The following SLC10A4 variants were observed in gnomAD, a reference collection of about 807,000 sequenced individuals.
The protein encoded by SLC10A4 is putative sodium/bile acid cotransporter 4.
SLC10A4 carries 17 observed loss-of-function variants against 22.5 expected under a neutral mutation model. The ratio of observed to expected loss-of-function variants is 0.76; its 90% confidence interval spans 0.52 to 1.14. SLC10A4 has a LOEUF of 1.14. Among genes scored for constraint, SLC10A4 ranks in the 50% most tolerant of loss-of-function variants. The probability of loss-of-function intolerance (pLI) is 0.00; values close to 1 mark genes in which losing one functional copy is unlikely to be tolerated. For missense variants in SLC10A4, 548 were observed against 584.0 expected, an observed-to-expected ratio of 0.94 and a Z score of 0.64; for synonymous variants, 257 against 258.2, an observed-to-expected ratio of 1.00 and a Z score of 0.04.
Position 48,483,788 on chromosome 4 carries a change from G to A in SLC10A4, c.227G>A (p.Gly76Asp). The change falls in exon 1 of 3, where the codon GGC becomes GAC. Residue 76 changes from glycine (G) to aspartate (D), a missense_variant. Gly to Asp is a moderately conservative substitution (Grantham distance 94). Transcript: ENST00000273861. The surrounding 1 kb of genome is among the most constrained non-coding windows in gnomAD (Gnocchi z 5.4). ...CCCACGACCAGCGGCCTCGCGGGCG[G>A]CGCGGCGAGCCACGGCCCTTCCCCG... is the stretch of plus-strand genomic sequence containing the variant. ...PEPTTSGLAG[G>D]AASHGPSPFP... 1 of 1,502,076 alleles carries A rather than the reference G, an allele frequency of 6.7e-7. No individual in the cohort carries two copies. The allele number at this position is 1,502,076 out of a possible 1,614,324, so 93.0% of individuals were successfully genotyped here.
In SLC10A4 at chr4:48,488,822, T is replaced by C. The variant is rs1391799453; in HGVS notation, c.1197T>C (p.Asp399=). ...ACAAGCGAGATCCTCTAGATGAAGA[T>C]GAAGATACAGATATTTCTTATAAAA... ...MLHKRDPLDE[D]EDTDISYKKL... Residue 399 remains aspartate (D), a synonymous_variant, in exon 3 of 3, where the codon GAT becomes GAC. Coordinates refer to ENST00000273861, the MANE Select transcript of SLC10A4 (RefSeq NM_152679.4). 5 of 1,613,898 alleles carry C rather than the reference T, an allele frequency of 3.1e-6. No homozygotes were observed. The South Asian group carries it at 3.3e-5, about 11-fold the overall frequency.
Position 48,483,608 on chromosome 4 carries a change from G to T in SLC10A4, c.47G>T (p.Arg16Leu). ...ACCCTGCTCTTCGCCCCTCTGCTGC[G>T]GGACAACTACACCCTGGCGCCCAAT... Reference protein sequence around the residue: ...NVTLLFAPLLRDNYTLAPNAS... With the variant: ...NVTLLFAPLLLDNYTLAPNAS... Residue 16 changes from arginine to leucine, a missense_variant, in exon 1 of 3, where the codon CGG (arginine) becomes CTG (leucine). By Grantham distance (102) the Arg-to-Leu change is moderately radical (BLOSUM62 -2). This residue lies in a region of SLC10A4 where 225 missense variants were observed against 206.9 expected (regional missense o/e 1.09). Transcript: ENST00000273861. The surrounding 1 kb of genome is among the most constrained non-coding windows in gnomAD (Gnocchi z 5.4). 2 of 1,502,860 alleles carry T rather than the reference G, an allele frequency of 1.3e-6. No individual in the cohort carries two copies. Among genetic ancestry groups the T allele is most frequent in the Non-Finnish European group, 8.9e-7 (1 of 1,129,736 alleles). The allele number at this position is 1,502,860 out of a possible 1,614,324, so 93.1% of individuals were successfully genotyped here. A position where few individuals can be genotyped will look rare whatever the true frequency, so the allele number is the denominator to read the frequency against.
chr4:48,484,039 G>A lies in SLC10A4; in HGVS notation c.478G>A (p.Ala160Thr), dbSNP rs750626613. The stretch of plus-strand genomic sequence containing the variant: ...GCTGCTGGCCTTCCTGCTGGCCCTC[G>A]CCTTCAAGCTGGACGAGGTGGCCGC... ...LPLLAFLLAL[A>T]FKLDEVAAVA... The change falls in exon 1 of 3, where the codon GCC (alanine) becomes ACC (threonine). Residue 160 changes from alanine (A) to threonine (T), a missense_variant. By Grantham distance (58) the Ala-to-Thr change is moderately conservative. This residue lies in a region of SLC10A4 where 314 missense variants were observed against 353.2 expected (regional missense o/e 0.89). Transcript: ENST00000273861. 3 of 1,600,390 alleles carry A rather than the reference G, an allele frequency of 1.9e-6. No individual in the cohort carries two copies. The highest frequency in any genetic ancestry group is 1.7e-6 in the Non-Finnish European group (2 of 1,177,448).
rs1718222702 is a variant in SLC10A4 at position 48,483,702 on chromosome 4, G to A, written c.141G>A (p.Gly47=). Residue 47 remains glycine (G), a synonymous_variant, in exon 1 of 3, where the codon GGG becomes GGA. Coordinates refer to ENST00000273861, the MANE Select transcript of SLC10A4 (RefSeq NM_152679.4). This position sits in a 1 kb window ranked among gnomAD's most constrained non-coding sequence, Gnocchi z 5.4. ...CCTCCAGCGCCGGCCCCGGCCCTGG[G>A]CTCAGCCTCGGGCCGGGTCCGAGCT... ...APASSAGPGP[G]LSLGPGPSFG... 6.9e-7 allele frequency: 1 copy of A among 1,453,158 alleles called. No homozygotes were observed. Among genetic ancestry groups the A allele is most frequent in the Admixed American group, 2.7e-5 (1 of 36,792 alleles). 90.0% of individuals were successfully genotyped at this position (1,453,158 alleles called of 1,614,324 possible).
At chr4:48,487,971 TTTTTGTA>T (rs1718310570) in intron 2 of SLC10A4, among the ~76,000 whole-genome samples, 1 of 151,366 alleles carries the variant, frequency 6.6e-6, no homozygotes, top group South Asian at 2.1e-4. Flanking sequence ...ACCTGGCTAA[TTTTTGTA>T]TTTTTAGTAG....
In SLC10A4 at chr4:48,488,534, A is replaced by T. The variant is rs1718326105; in HGVS notation, c.909A>T (p.Ile303=). The change falls in exon 3 of 3, where the codon ATA becomes ATT. Residue 303 remains isoleucine (I), a synonymous_variant. Coordinates refer to ENST00000273861, the MANE Select transcript of SLC10A4 (RefSeq NM_152679.4). ...GTATCCCTGCAGCTGTTTATGTGATAGCAATTTTTATGCCTTTGGCAGGCT... is the reference window on the plus strand; with the variant it reads ...GTATCCCTGCAGCTGTTTATGTGATTGCAATTTTTATGCCTTTGGCAGGCT... The part of the protein sequence containing the change: ...LASIPAAVYV[I]AIFMPLAGYA... 1.2e-6 allele frequency: 2 copies of T among 1,613,806 alleles called. No homozygotes were observed. Among genetic ancestry groups the T allele is most frequent in the African/African-American group, 2.7e-5 (2 of 74,804 alleles).
At position 48,488,790 on chromosome 4, in the gene SLC10A4, A is replaced by G. The variant is rs748395414; in HGVS notation, c.1165A>G (p.Met389Val). Reference protein sequence around the residue: ...VLIYKMYGSEMLHKRDPLDED... With the variant: ...VLIYKMYGSEVLHKRDPLDED... ...AATCTATAAAATGTATGGAAGTGAAATGTTGCACAAGCGAGATCCTCTAGA... is the reference window on the plus strand; with the variant it reads ...AATCTATAAAATGTATGGAAGTGAAGTGTTGCACAAGCGAGATCCTCTAGA... The change falls in exon 3 of 3, where the codon ATG (methionine) becomes GTG (valine). Residue 389 changes from methionine (M) to valine (V), a missense_variant. Around this residue, in one of 3 missense-constraint regions of SLC10A4, gnomAD observed 314 missense variants for 353.2 expected, o/e 0.89. Transcript: ENST00000273861. The G allele has an allele frequency of 1.2e-6, 2 of 1,613,958 alleles. No individual in the cohort carries two copies. The highest frequency in any genetic ancestry group is 1.3e-5 in the African/African-American group (1 of 74,942).
Position 48,483,738 on chromosome 4 carries a change from C to G in SLC10A4, c.177C>G (p.Ser59Arg). The G allele has an allele frequency of 2.1e-6, 3 of 1,449,386 alleles. No individual in the cohort carries two copies. Among genetic ancestry groups the G allele is most frequent in the Non-Finnish European group, 2.7e-6 (3 of 1,107,850 alleles). The allele number at this position is 1,449,386 out of a possible 1,614,324, so 89.8% of individuals were successfully genotyped here. A position where few individuals can be genotyped will look rare whatever the true frequency, so the allele number is the denominator to read the frequency against. ...SLGPGPSFGF[S>R]PGPTPTPEPT... ...GGCCGGGTCCGAGCTTCGGCTTCAG[C>G]CCCGGCCCCACTCCGACCCCGGAGC... The change falls in exon 1 of 3, where the codon AGC becomes AGG. Residue 59 changes from serine (S) to arginine (R), a missense_variant. Ser to Arg is a moderately radical substitution (Grantham distance 110). This residue lies in a region of SLC10A4 where 225 missense variants were observed against 206.9 expected (regional missense o/e 1.09). Coordinates refer to ENST00000273861, the MANE Select transcript of SLC10A4 (RefSeq NM_152679.4). The surrounding 1 kb of genome is among the most constrained non-coding windows in gnomAD (Gnocchi z 5.4).
rs1198770101 is a variant in SLC10A4 at position 48,485,231 on chromosome 4, G to A, written c.801+89G>A. 4.3e-6 allele frequency: 6 copies of A among 1,380,510 alleles called. No homozygotes were observed. In the East Asian group the frequency reaches 7.0e-5, roughly 16 times the overall value. The allele number at this position is 1,380,510 out of a possible 1,614,324, so 85.5% of individuals were successfully genotyped here. The stretch of plus-strand genomic sequence containing the variant: ...AAATGTTAGGAAGTTTGGAGAAGGC[G>A]GAAAGGAAGAAAAGGACTTGGAAGT... On this transcript the variant is annotated intron_variant, in intron 2 of 2. Transcript: ENST00000273861.
chr4:48,488,925 C>G lies in SLC10A4; in HGVS notation c.1300C>G (p.Gln434Glu). 1 of 1,592,186 alleles carries G rather than the reference C, an allele frequency of 6.3e-7. No homozygotes were observed. Among genetic ancestry groups the G allele is most frequent in the Non-Finnish European group, 8.5e-7 (1 of 1,172,984 alleles). The change falls in exon 3 of 3, where the codon CAG (glutamine) becomes GAG (glutamate). Residue 434 changes from glutamine to glutamate, a missense_variant. Gln to Glu is a conservative substitution (Grantham distance 29). Around this residue, in one of 3 missense-constraint regions of SLC10A4, gnomAD observed 9 missense variants for 23.9 expected, o/e 0.38. Coordinates refer to ENST00000273861, the MANE Select transcript of SLC10A4 (RefSeq NM_152679.4). ...AENIIMMETA[Q>E]TSL ...AAATATAATAATGATGGAAACCGCT[C>G]AGACTTCTCTCTAAATGTGGAGATA...
chr4:48,484,098 C>T lies in SLC10A4; in HGVS notation c.537C>T (p.Gly179=). The change falls in exon 1 of 3, where the codon GGC becomes GGT. Residue 179 remains glycine, a synonymous_variant. Transcript: ENST00000273861. ...TGCTCCTGTGTGGCTGCTGTCCCGG[C>T]GGCAATCTCTCCAATCTTATGTCCC... ...VAVLLCGCCP[G]GNLSNLMSLL... is the part of the protein sequence containing the mutation. 1.2e-6 allele frequency: 2 copies of T among 1,604,304 alleles called. No homozygotes were observed. Among genetic ancestry groups the T allele is most frequent in the Non-Finnish European group, 1.7e-6 (2 of 1,176,822 alleles).
At chr4:48,485,211 T>C (rs2148672036) in intron 2 of SLC10A4, 69 bp downstream of exon 2, 2 of 1,509,140 alleles carry the variant, frequency 1.3e-6, no homozygotes, top group Non-Finnish European at 1.8e-6. Context: ...AGCAGAAATG[T>C]TAGGAAGTTT....
chr4:48,488,856 GAA>G lies in SLC10A4; in HGVS notation c.1232_1233del (p.Glu411GlyfsTer49), dbSNP rs1718336561. The G allele has an allele frequency of 1.2e-6, 2 of 1,613,654 alleles. No individual in the cohort carries two copies. The highest frequency in any genetic ancestry group is 1.7e-6 in the Non-Finnish European group (2 of 1,179,918). ...AGATATTTCTTATAAAAAACTAAAA[GAA>G]GAGGAAATGGCAGACACTTCCTATG... ...DTDISYKKLK[E>X]EEMADTSYGT... On this transcript the variant is annotated frameshift_variant, in exon 3 of 3. Coordinates refer to ENST00000273861, the MANE Select transcript of SLC10A4 (RefSeq NM_152679.4). LOFTEE classifies it high-confidence loss of function.
rs1015116918 is a variant in SLC10A4, at chr4:48,485,050, G to C, written c.709G>C (p.Val237Leu). ...PIVQLLPLGT[V>L]TLTLCSTLIP... is the part of the protein sequence containing the mutation. The stretch of plus-strand genomic sequence containing the variant: ...CGTGCAGTTACTACCCCTAGGGACC[G>C]TGACCCTGACTCTCTGCAGCACTCT... The change falls in exon 2 of 3, where the codon GTG (valine) becomes CTG (leucine). Residue 237 changes from valine (V) to leucine (L), a missense_variant. Physicochemically the swap from Val to Leu is conservative, Grantham distance 32. Transcript: ENST00000273861. 21 of 1,613,950 alleles carry C rather than the reference G, an allele frequency of 1.3e-5. No individual in the cohort carries two copies. In the Admixed American group the frequency reaches 2.5e-4, roughly 19 times the overall value.
In SLC10A4 at chr4:48,484,155, C is replaced by G. The variant is rs569593374; in HGVS notation, c.590+4C>G. 96 of 1,565,530 alleles carry G rather than the reference C, an allele frequency of 6.1e-5. 2 individuals carry two copies. In the South Asian group the frequency reaches 1.1e-3, roughly 18 times the overall value. The stretch of plus-strand genomic sequence containing the variant: ...TTGACGGCGACATGAACCTCAGGTA[C>G]GGATCTGTCTATTCCTTGGGCATCT... On this transcript the variant is annotated splice_donor_region_variant and intron_variant, in intron 1 of 2. Coordinates refer to ENST00000273861, the MANE Select transcript of SLC10A4 (RefSeq NM_152679.4).
Position 48,485,091 on chromosome 4 carries a change from G to A in SLC10A4, c.750G>A (p.Leu250=), listed in dbSNP as rs759871779. Residue 250 remains leucine (L), a synonymous_variant, in exon 2 of 3, where the codon TTG becomes TTA. Coordinates refer to ENST00000273861, the MANE Select transcript of SLC10A4 (RefSeq NM_152679.4). ...GCAGCACTCTCATACCTATCGGGTTGGGCGTCTTCATTCGCTACAAATACA... is the reference window on the plus strand; with the variant it reads ...GCAGCACTCTCATACCTATCGGGTTAGGCGTCTTCATTCGCTACAAATACA... The part of the protein sequence containing the change: ...TLCSTLIPIG[L]GVFIRYKYSR... The A allele has an allele frequency of 6.2e-7, 1 of 1,614,052 alleles. No individual in the cohort carries two copies. The highest frequency in any genetic ancestry group is 2.2e-5 in the East Asian group (1 of 44,866).
chr4:48,487,290 G>A (rs1718298815), intron 2 of SLC10A4, among the ~76,000 whole-genome samples: 1 of 152,174 alleles, frequency 6.6e-6, no homozygotes, highest in African/African-American at 2.4e-5. Flanking sequence ...AAAGGGGAAA[G>A]TTGCCAAATT....
rs1364767184 is a variant in SLC10A4, at chr4:48,488,743, C to T, written c.1118C>T (p.Ala373Val). 6.2e-7 allele frequency: 1 copy of T among 1,613,958 alleles called. No individual in the cohort carries two copies. Among genetic ancestry groups the T allele is most frequent in the South Asian group, 1.1e-5 (1 of 91,084 alleles). ...FPLLYALFQS[A>V]EAGIFVLIYK... Reference sequence around the variant, plus strand: ...TTGCTGTATGCACTTTTCCAGTCTGCAGAAGCGGGGATTTTTGTTTTAATC... The same window carrying T: ...TTGCTGTATGCACTTTTCCAGTCTGTAGAAGCGGGGATTTTTGTTTTAATC... Residue 373 changes from alanine (A) to valine (V), a missense_variant, in exon 3 of 3, where the codon GCA becomes GTA. Physicochemically the swap from Ala to Val is moderately conservative, Grantham distance 64. This residue lies in a region of SLC10A4 where 314 missense variants were observed against 353.2 expected (regional missense o/e 0.89). Transcript: ENST00000273861.
Position 48,484,114 on chromosome 4 carries a change from C to T in SLC10A4, c.553C>T (p.Leu185Phe). ...CTGTCCCGGCGGCAATCTCTCCAAT[C>T]TTATGTCCCTGCTGGTTGACGGCGA... ...GCCPGGNLSN[L>F]MSLLVDGDMN... Residue 185 changes from leucine to phenylalanine, a missense_variant, in exon 1 of 3, where the codon CTT (leucine) becomes TTT (phenylalanine). Coordinates refer to ENST00000273861, the MANE Select transcript of SLC10A4 (RefSeq NM_152679.4). The T allele has an allele frequency of 6.3e-7, 1 of 1,595,290 alleles. No homozygotes were observed. Among genetic ancestry groups the T allele is most frequent in the Non-Finnish European group, 8.6e-7 (1 of 1,169,532 alleles).
Sources: allele counts gnomAD v4.1 joint callset (sites outside exome capture counted in the v4.1 genomes callset), GRCh38; gene constraint gnomAD v4.1.1; regional missense constraint gnomAD v4.1.1; non-coding constraint Gnocchi (gnomAD v3.1); transcripts MANE v1.5; gene names NCBI Gene and HGNC (gene_info 2026-07-23, HGNC 2026-07-21).